The following RAB3C variants were observed in gnomAD, a reference collection of about 807,000 sequenced individuals.
RAB3C encodes the protein RAB3C, member RAS oncogene family, also known as ras-related protein Rab-3C.
A neutral mutation model predicts 26.4 loss-of-function variants in RAB3C; 17 were observed. The observed-to-expected ratio is 0.64, with a 90% CI of 0.44 to 0.97. The LOEUF is 0.97. Among genes scored for constraint, RAB3C ranks in the 50% least tolerant of loss-of-function variants. The pLI is 0.00. For missense variants in RAB3C, 242 were observed against 281.9 expected, an observed-to-expected ratio of 0.86 and a Z score of 1.01; for synonymous variants, 91 against 95.9, an observed-to-expected ratio of 0.95 and a Z score of 0.30.
At position 58,855,674 on chromosome 5, in the gene RAB3C, A is replaced by G. The variant is rs1004886984; in HGVS notation, c.*4323A>G. On this transcript the variant is annotated 3_prime_UTR_variant, in exon 5 of 5. Transcript: ENST00000282878. The stretch of plus-strand genomic sequence containing the variant: ...TTGAGCCAGCTTTTGGGAGTTCTTC[A>G]TATTTTAGGTGAATTTTTGACCAAA... The G allele has an allele frequency of 6.6e-5, 10 of 152,318 alleles. No homozygotes were observed. The East Asian group carries it at 1.7e-3, about 26-fold the overall frequency. The allele number at this position is 152,318 out of a possible 1,614,324, so 9.4% of individuals were successfully genotyped here. A position where few individuals can be genotyped will look rare whatever the true frequency, so the allele number is the denominator to read the frequency against.
chr5:58,823,026 T>C, intron 3 of RAB3C: 1 of 597,118 alleles, frequency 1.7e-6, no homozygotes, highest in Non-Finnish European at 3.2e-6. Flanking sequence ...GGCTGTTCTG[T>C]CCCTCACAGT....
At chr5:58,808,380 G>A (rs1742992979) in intron 3 of RAB3C, among the ~76,000 whole-genome samples, 1 of 152,078 alleles carries the variant, frequency 6.6e-6, no homozygotes, top group South Asian at 2.1e-4. Context: ...GACTCCAAAT[G>A]AGAAAAGGTA....
chr5:58,819,065 G>T (rs1743281311), intron 3 of RAB3C, among the ~76,000 whole-genome samples: 1 of 152,200 alleles, frequency 6.6e-6, no homozygotes, highest in Non-Finnish European at 1.5e-5. Flanking sequence ...TAGAAATGAT[G>T]AATTAAGCTG....
intron 3 of RAB3C, among the ~76,000 whole-genome samples, chr5:58,729,255 C>T (rs760115596): frequency 2.0e-5 from 3 of 151,844 alleles, no homozygotes; most frequent in Non-Finnish European, 2.9e-5. Context: ...ATTTCTTTAT[C>T]GTGGTAAAAT....
Position 58,852,864 on chromosome 5 carries a change from T to C in RAB3C, c.*1513T>C, listed in dbSNP as rs1744143622. On this transcript the variant is annotated 3_prime_UTR_variant, in exon 5 of 5. Transcript: ENST00000282878. ...TTGGTGGTTATGTCAAAGAATTTTT[T>C]TCCTCTTCTCAAAAATAGAGAGGCT... The C allele has an allele frequency of 1.1e-5, 1 of 91,846 alleles. No homozygotes were observed. Among genetic ancestry groups the C allele is most frequent in the Non-Finnish European group, 2.5e-5 (1 of 39,252 alleles). The allele number at this position is 91,846 out of a possible 1,614,324, so 5.7% of individuals were successfully genotyped here.
chr5:58,734,493 C>T (rs1416572761), intron 3 of RAB3C, among the ~76,000 whole-genome samples: 2 of 152,110 alleles, frequency 1.3e-5, no homozygotes, highest in African/African-American at 4.8e-5. Context: ...TTCTTTCTCC[C>T]TGGATGTTAA....
At chr5:58,596,692 C>A (rs1746272752) in intron 1 of RAB3C, among the ~76,000 whole-genome samples, 5 of 42,964 alleles carry the variant, frequency 1.2e-4, no homozygotes, top group Non-Finnish European at 1.8e-4. Flanking sequence ...ATATATAATA[C>A]ATAATATATT....
intron 1 of RAB3C, among the ~76,000 whole-genome samples, chr5:58,609,938 G>A (rs1020744048): frequency 6.6e-6 from 1 of 152,064 alleles, no homozygotes; most frequent in Non-Finnish European, 1.5e-5. Flanking sequence ...ACTGGTTCCT[G>A]CAAGAGCAAA....
intron 3 of RAB3C, among the ~76,000 whole-genome samples, chr5:58,737,448 T>A (rs368762): frequency 0.15 from 4,491 of 30,890 alleles, 579 homozygotes; most frequent in East Asian, 0.21. Context: ...TATATATATA[T>A]AATTTACTTG....
chr5:58,619,278 T>C (rs146524618), intron 2 of RAB3C, among the ~76,000 whole-genome samples: 101 of 152,320 alleles, frequency 6.6e-4, no homozygotes, highest in African/African-American at 2.3e-3. Flanking sequence ...CCATTTTTAT[T>C]GGGAGTGTTC....
At chr5:58,610,930 C>T (rs1746685890) in intron 1 of RAB3C, among the ~76,000 whole-genome samples, 1 of 152,042 alleles carries the variant, frequency 6.6e-6, no homozygotes, top group Admixed American at 6.6e-5. Flanking sequence ...CTATAGGCCC[C>T]AGTGTATTTT....
intron 2 of RAB3C, among the ~76,000 whole-genome samples, chr5:58,642,821 C>G (rs1747436469): frequency 6.6e-6 from 1 of 152,192 alleles, no homozygotes; most frequent in African/African-American, 2.4e-5. Context: ...GAAGTAAAAT[C>G]CCTGCAAAGC....
chr5:58,706,840 T>G (rs1303455946), intron 2 of RAB3C, among the ~76,000 whole-genome samples: 2 of 152,244 alleles, frequency 1.3e-5, no homozygotes, highest in East Asian at 3.8e-4. Context: ...TGAGTCAAAA[T>G]CTATACATAT....
chr5:58,808,585 A>T (rs922399417), intron 3 of RAB3C, among the ~76,000 whole-genome samples: 2 of 152,174 alleles, frequency 1.3e-5, no homozygotes, highest in African/African-American at 2.4e-5. Context: ...TCAATTTCCA[A>T]TTTCTTTGAC....
chr5:58,720,772 T>C (rs971852351), intron 2 of RAB3C, among the ~76,000 whole-genome samples: 4 of 151,920 alleles, frequency 2.6e-5, no homozygotes, highest in Non-Finnish European at 5.9e-5. Flanking sequence ...TCTATTTTTC[T>C]CTGTCTAGGT....
chr5:58,716,507 C>T (rs1749176578), intron 2 of RAB3C, among the ~76,000 whole-genome samples: 1 of 152,090 alleles, frequency 6.6e-6, no homozygotes, highest in South Asian at 2.1e-4. Context: ...TGGCACCTAA[C>T]CTCTTTATTT....
intron 2 of RAB3C, among the ~76,000 whole-genome samples, chr5:58,717,241 CTA>C (rs1337429526): frequency 9.2e-5 from 14 of 152,110 alleles, no homozygotes; most frequent in African/African-American, 3.4e-4. Context: ...ATAAATCTGA[CTA>C]TATTCTCAGC....
At chr5:58,773,254 T>C (rs1298165532) in intron 3 of RAB3C, among the ~76,000 whole-genome samples, 1 of 152,130 alleles carries the variant, frequency 6.6e-6, no homozygotes, top group Non-Finnish European at 1.5e-5. Flanking sequence ...ATACTGCTCC[T>C]ACTTAGTATT....
chr5:58,811,361 G>A (rs1743085940), intron 3 of RAB3C, among the ~76,000 whole-genome samples: 1 of 152,040 alleles, frequency 6.6e-6, no homozygotes. Context: ...GTGTATGTGT[G>A]TGTATGTGTG....
Sources: allele counts gnomAD v4.1 joint callset (sites outside exome capture counted in the v4.1 genomes callset), GRCh38; gene constraint gnomAD v4.1.1; transcripts MANE v1.5; gene names NCBI Gene and HGNC (gene_info 2026-07-23, HGNC 2026-07-21).